The following TTN variants were observed in gnomAD, a reference collection of about 807,000 sequenced individuals.
The protein encoded by TTN is connectin.
Under a neutral mutation model 3,223.0 loss-of-function variants are expected in TTN, and 1,525 were observed. That is an observed-to-expected ratio of 0.47 (90% CI 0.45 to 0.49). TTN has a LOEUF of 0.49. Among genes scored for constraint, TTN ranks in the 20% least tolerant of loss-of-function variants. The probability of loss-of-function intolerance (pLI) is 0.00; values close to 1 mark genes in which losing one functional copy is unlikely to be tolerated. For synonymous variants in TTN, 14,094 were observed against 15,161.0 expected, an observed-to-expected ratio of 0.93 and a Z score of 5.17; for missense variants, 40,786 against 43,424.0, an observed-to-expected ratio of 0.94 and a Z score of 5.40.
Position 178,733,338 on chromosome 2 carries a change from T to C in TTN, c.15955A>G (p.Lys5319Glu). 1 of 1,613,838 alleles carries C rather than the reference T, an allele frequency of 6.2e-7. No homozygotes were observed. The highest frequency in any genetic ancestry group is 2.2e-5 in the East Asian group (1 of 44,860). The change falls in exon 54 of 363, where the codon AAA becomes GAA. Residue 5319 changes from lysine to glutamate, a missense_variant. Coordinates refer to ENST00000589042, the MANE Select transcript of TTN (RefSeq NM_001267550.2). Reference sequence around the variant, plus strand: ...TCGTGCAGCTCAGCTGAATAAAATTTGAGCTGGGCAACATTGTTTTTAAAA... The same window carrying C: ...TCGTGCAGCTCAGCTGAATAAAATTCGAGCTGGGCAACATTGTTTTTAAAA... ...ISFKNNVAQL[K>E]FYSAELHDSG...
chr2:178,775,891 A>G lies in TTN; in HGVS notation c.5973T>C (p.Pro1991=). 2.5e-6 allele frequency: 4 copies of G among 1,614,076 alleles called. No individual in the cohort carries two copies. Among genetic ancestry groups the G allele is most frequent in the Non-Finnish European group, 3.4e-6 (4 of 1,179,982 alleles). The change falls in exon 28 of 363, where the codon CCT becomes CCC. Residue 1991 remains proline, a synonymous_variant. Transcript: ENST00000589042. ...TACTGCGCAGCTCTTCCGACTCTTC[A>G]GGCACTTTTTCATGGGTAATTCTTT... is the stretch of plus-strand genomic sequence containing the variant. ...RAERITHEKV[P]EESEELRSKF...
At position 178,616,834 on chromosome 2, in the gene TTN, C is replaced by T. The variant is rs758399903; in HGVS notation, c.48055G>A (p.Glu16019Lys). 2.3e-5 allele frequency: 37 copies of T among 1,612,466 alleles called. No individual in the cohort carries two copies. The highest frequency in any genetic ancestry group is 2.0e-4 in the South Asian group (18 of 91,044). The change falls in exon 256 of 363, where the codon GAA (glutamate) becomes AAA (lysine). Residue 16019 changes from glutamate to lysine, a missense_variant. Physicochemically the swap from Glu to Lys is moderately conservative, Grantham distance 56. Transcript: ENST00000589042. ...CGTTCACTTGGAGAAATGACAAGTT[C>T]GGCATAGGCAGACAAGGTCTTCATT... The part of the protein sequence containing the change: ...VKMKTLSAYA[E>K]LVISPSERSD...
chr2:178,782,127 T>C, intron 20 of TTN, 85 bp downstream of exon 20: 1 of 1,487,522 alleles, frequency 6.7e-7, no homozygotes, highest in Non-Finnish European at 9.3e-7. Flanking sequence ...ATGCTCAGGG[T>C]CGGTGGGGTG....
In TTN at chr2:178,775,837, A is replaced by G. The variant is rs1355700305; in HGVS notation, c.6027T>C (p.Tyr2009=). The G allele has an allele frequency of 1.9e-6, 3 of 1,614,068 alleles. No individual in the cohort carries two copies. The African/African-American group carries it at 4.0e-5, about 22-fold the overall frequency. ...SKFKRRTEEG[Y]YEAITAVELK... is the part of the protein sequence containing the mutation. ...GCTCCACAGCGGTAATGGCTTCATA[A>G]TAGCCCTCTTCTGTTCTGCGCTTGA... The change falls in exon 28 of 363, where the codon TAT becomes TAC. Residue 2009 remains tyrosine (Y), a synonymous_variant. Coordinates refer to ENST00000589042, the MANE Select transcript of TTN (RefSeq NM_001267550.2).
Position 178,559,606 on chromosome 2 carries a change from A to C in TTN, c.86526T>G (p.Val28842=), listed in dbSNP as rs72648226. 4.3e-4 allele frequency: 693 copies of C among 1,613,720 alleles called. No individual in the cohort carries two copies. Among genetic ancestry groups the C allele is most frequent in the Non-Finnish European group, 5.3e-4 (630 of 1,179,792 alleles). ...SAASLTLVVK[V]LDTPGPPTNI... ...TGGTTGGAGGACCTGGGGTATCTAA[A>C]ACTTTGACAACTAAGGTCAGTGAAG... Residue 28842 remains valine, a synonymous_variant, in exon 326 of 363, where the codon GTT becomes GTG. Transcript: ENST00000589042.
intron 132 of TTN, 72 bp downstream of exon 132, chr2:178,684,258 C>G (rs2154274500): frequency 6.6e-7 from 1 of 1,518,048 alleles, no homozygotes; most frequent in East Asian, 2.3e-5. Context: ...AAAACCAGCC[C>G]CCATAACCAG....
At position 178,683,290 on chromosome 2, in the gene TTN, C is replaced by A. The variant is rs794727109; in HGVS notation, c.32808G>T (p.Val10936=). 10 of 1,523,764 alleles carry A rather than the reference C, an allele frequency of 6.6e-6. No individual in the cohort carries two copies. The Admixed American group carries it at 1.8e-4, about 27-fold the overall frequency. The allele number at this position is 1,523,764 out of a possible 1,614,324, so 94.4% of individuals were successfully genotyped here. A position where few individuals can be genotyped will look rare whatever the true frequency, so the allele number is the denominator to read the frequency against. The part of the protein sequence containing the change: ...PKREEEPPAK[V]TEFRKRVVKE... Reference sequence around the variant, plus strand: ...TAACCACTCTTTTTCTGAATTCAGTCACTTTAAAGGAGTAATTATTAAAAG... The same window carrying A: ...TAACCACTCTTTTTCTGAATTCAGTAACTTTAAAGGAGTAATTATTAAAAG... Residue 10936 remains valine (V), a splice_region_variant and synonymous_variant, in exon 134 of 363, where the codon GTG becomes GTT. Coordinates refer to ENST00000589042, the MANE Select transcript of TTN (RefSeq NM_001267550.2).
At chr2:178,558,282 A>T in intron 327 of TTN, 47 bp from the exon 328 acceptor site, 5 of 1,589,496 alleles carry the variant, frequency 3.1e-6, no homozygotes, top group Non-Finnish European at 4.3e-6. Context: ...GTTTCTGAAA[A>T]TTAACATAAA....
chr2:178,651,164 C>T (rs2062880637), intron 208 of TTN, 79 bp downstream of exon 208: 2 of 1,226,472 alleles, frequency 1.6e-6, no homozygotes, highest in Non-Finnish European at 2.3e-6. Flanking sequence ...AGAGGACTCG[C>T]AAACAAAAGG....
intron 223 of TTN, among the ~76,000 whole-genome samples, chr2:178,638,489 T>C (rs1458249288): frequency 1.3e-5 from 2 of 151,312 alleles, no homozygotes; most frequent in South Asian, 2.1e-4. Context: ...CAAACTATTA[T>C]GGACATTTCT....
chr2:178,613,822 A>T lies in TTN; in HGVS notation c.49461T>A (p.Val16487=), dbSNP rs377080500. The change falls in exon 263 of 363, where the codon GTT becomes GTA. Residue 16487 remains valine, a synonymous_variant. Transcript: ENST00000589042. ...TATCTGTATCAGGATCCAGTCTTTC[A>T]ACCCAGTATCCTGTGATTGGGCTGC... is the stretch of plus-strand genomic sequence containing the variant. ...DGGSPITGYW[V]ERLDPDTDKW... is the part of the protein sequence containing the mutation. 7.4e-6 allele frequency: 12 copies of T among 1,612,650 alleles called. No individual in the cohort carries two copies. The highest frequency in any genetic ancestry group is 9.3e-6 in the Non-Finnish European group (11 of 1,179,100).
Position 178,579,873 on chromosome 2 carries a change from T to C in TTN, c.67349-25A>G, listed in dbSNP as rs72646875. The C allele has an allele frequency of 3.1e-6, 5 of 1,612,318 alleles. No individual in the cohort carries two copies. The African/African-American group carries it at 6.7e-5, about 22-fold the overall frequency. Reference sequence around the variant, plus strand: ...TCTAAAGCAAAGGAGAAATGATAAGTGTAAGCCCCATATAACAAAGGAAGG... The same window carrying C: ...TCTAAAGCAAAGGAGAAATGATAAGCGTAAGCCCCATATAACAAAGGAAGG... On this transcript the variant is annotated intron_variant, in intron 318 of 362. Transcript: ENST00000589042.
chr2:178,574,692 T>C lies in TTN; in HGVS notation c.71440A>G (p.Thr23814Ala), dbSNP rs1425003858. The C allele has an allele frequency of 6.2e-7, 1 of 1,613,336 alleles. No individual in the cohort carries two copies. Among genetic ancestry groups the C allele is most frequent in the East Asian group, 2.2e-5 (1 of 44,772 alleles). The change falls in exon 326 of 363, where the codon ACA becomes GCA. Residue 23814 changes from threonine to alanine, a missense_variant. By Grantham distance (58) the Thr-to-Ala change is moderately conservative. Coordinates refer to ENST00000589042, the MANE Select transcript of TTN (RefSeq NM_001267550.2). Reference sequence around the variant, plus strand: ...TAGTTGGCAACTATGCATGCTGATGTGATGCCTGGTCCAACTCCATATCTA... The same window carrying C: ...TAGTTGGCAACTATGCATGCTGATGCGATGCCTGGTCCAACTCCATATCTA... ...QNRYGVGPGI[T>A]SACIVANYPF...
In TTN at chr2:178,566,727, C is replaced by T. The variant is rs540254651; in HGVS notation, c.79405G>A (p.Val26469Ile). The change falls in exon 326 of 363, where the codon GTT (valine) becomes ATT (isoleucine). Residue 26469 changes from valine to isoleucine, a missense_variant. By Grantham distance (29) the Val-to-Ile change is conservative. Coordinates refer to ENST00000589042, the MANE Select transcript of TTN (RefSeq NM_001267550.2). ...ACTGTAGCTGGACTTGGTTCCCCAA[C>T]TCCAGCAGCATTTTCTGCAGAGACC... is the stretch of plus-strand genomic sequence containing the variant. ...FRVSAENAAG[V>I]GEPSPATVYY... 8 of 1,613,482 alleles carry T rather than the reference C, an allele frequency of 5.0e-6. No individual in the cohort carries two copies. The highest frequency in any genetic ancestry group is 2.7e-5 in the African/African-American group (2 of 75,032).
At position 178,730,616 on chromosome 2, in the gene TTN, T is replaced by G; in HGVS notation, c.17917A>C (p.Thr5973Pro). Reference sequence around the variant, plus strand: ...AGCTGGCTGATTTCCAAGAAGGCAGTATTGTCATGAAAAGAGAATTTGTAC... The same window carrying G: ...AGCTGGCTGATTTCCAAGAAGGCAGGATTGTCATGAAAAGAGAATTTGTAC... ...EKYKFSFHDN[T>P]AFLEISQLEG... Residue 5973 changes from threonine (T) to proline (P), a missense_variant, in exon 61 of 363, where the codon ACT becomes CCT. Thr to Pro is a conservative substitution (Grantham distance 38). Coordinates refer to ENST00000589042, the MANE Select transcript of TTN (RefSeq NM_001267550.2). The G allele has an allele frequency of 6.2e-7, 1 of 1,613,692 alleles. No homozygotes were observed. The highest frequency in any genetic ancestry group is 8.5e-7 in the Non-Finnish European group (1 of 1,179,682).
chr2:178,783,578 C>A (rs1381784302), intron 17 of TTN, 142 bp downstream of exon 17: 1 of 734,732 alleles, frequency 1.4e-6, no homozygotes, highest in Non-Finnish European at 2.3e-6. Flanking sequence ...TCTTCCAGAC[C>A]AAATACGGTC....
At chr2:178,667,388 T>G in intron 161 of TTN, 54 bp downstream of exon 161, 1 of 1,573,996 alleles carries the variant, frequency 6.4e-7, no homozygotes, top group Non-Finnish European at 8.6e-7. Context: ...GCATGCAATG[T>G]TTGAGTCATA....
rs113942943 is a variant in TTN, at chr2:178,675,966, T to C, written c.34408A>G (p.Lys11470Glu). ...VPEIKKKVTE[K>E]KVVIPKKEEA... ...TCTTTCTTGGGAATGACCACTTTCT[T>C]CTCTGTCACTTTCTTCTTAATTTCA... The change falls in exon 148 of 363, where the codon AAG becomes GAG. Residue 11470 changes from lysine to glutamate, a missense_variant. Coordinates refer to ENST00000589042, the MANE Select transcript of TTN (RefSeq NM_001267550.2). 40 of 1,606,510 alleles carry C rather than the reference T, an allele frequency of 2.5e-5. No individual in the cohort carries two copies. The African/African-American group carries it at 2.9e-4, about 12-fold the overall frequency.
At position 178,756,321 on chromosome 2, in the gene TTN, T is replaced by G. The variant is rs758911977; in HGVS notation, c.11155A>C (p.Ile3719Leu). 1 of 1,613,916 alleles carries G rather than the reference T, an allele frequency of 6.2e-7. No individual in the cohort carries two copies. The highest frequency in any genetic ancestry group is 2.2e-5 in the East Asian group (1 of 44,876). The change falls in exon 46 of 363, where the codon ATA becomes CTA. Residue 3719 changes from isoleucine (I) to leucine (L), a missense_variant. Coordinates refer to ENST00000589042, the MANE Select transcript of TTN (RefSeq NM_001267550.2). The part of the protein sequence containing the change: ...SQNGNIQFLT[I>L]CNVQLVDQGL... ...TGGTCTACCAGCTGAACATTACATA[T>G]GGTAAGAAACTGAATATTTCCATTT...
Sources: allele counts gnomAD v4.1 joint callset (sites outside exome capture counted in the v4.1 genomes callset), GRCh38; gene constraint gnomAD v4.1.1; transcripts MANE v1.5; gene names NCBI Gene and HGNC (gene_info 2026-07-23, HGNC 2026-07-21).